The following CNTNAP2 variants were observed in gnomAD, a reference collection of about 807,000 sequenced individuals.
CNTNAP2 encodes contactin associated protein 2.
In CNTNAP2, 98 loss-of-function variants were observed where a neutral mutation model predicts 155.2. The observed-to-expected ratio is 0.63, with a 90% CI of 0.54 to 0.75. The LOEUF (loss-of-function observed/expected upper bound fraction) is 0.75. Among genes scored for constraint, CNTNAP2 ranks in the 30% least tolerant of loss-of-function variants. CNTNAP2 has a pLI of 0.00. For synonymous variants in CNTNAP2, 651 were observed against 631.2 expected, an observed-to-expected ratio of 1.03 and a Z score of -0.47; for missense variants, 1,727 against 1,688.1, an observed-to-expected ratio of 1.02 and a Z score of -0.40.
At chr7:147,942,072 C>T (rs574670270) in intron 14 of CNTNAP2, among the ~76,000 whole-genome samples, 15 of 152,268 alleles carry the variant, frequency 9.9e-5, no homozygotes, top group African/African-American at 3.6e-4. Flanking sequence ...TTCTCTTCAA[C>T]CTGATGCAAG....
chr7:146,354,426 T>G (rs545487581), intron 1 of CNTNAP2, among the ~76,000 whole-genome samples: 23 of 150,878 alleles, frequency 1.5e-4, no homozygotes, highest in Non-Finnish European at 2.7e-4. Context: ...TTTTTTTTTT[T>G]TTGTTTGAGA....
rs1380103261 is a variant in CNTNAP2 at position 148,420,759 on chromosome 7, G to A, written c.*5143G>A. 1 of 152,532 alleles carries A rather than the reference G, an allele frequency of 6.6e-6. No homozygotes were observed. Among genetic ancestry groups the A allele is most frequent in the Non-Finnish European group, 1.5e-5 (1 of 68,026 alleles). 9.4% of individuals were successfully genotyped at this position (152,532 alleles called of 1,614,324 possible). On this transcript the variant is annotated 3_prime_UTR_variant, in exon 24 of 24. Coordinates refer to ENST00000361727, the MANE Select transcript of CNTNAP2 (RefSeq NM_014141.6). ...TTTCAGTGAGCGTGGTGACTGCAGAGGTTAGTGCTGTGAAAAGCTGGGCTA... is the reference window on the plus strand; with the variant it reads ...TTTCAGTGAGCGTGGTGACTGCAGAAGTTAGTGCTGTGAAAAGCTGGGCTA...
chr7:148,304,497 T>C (rs1343459839), intron 21 of CNTNAP2, among the ~76,000 whole-genome samples: 1 of 152,236 alleles, frequency 6.6e-6, no homozygotes, highest in Admixed American at 6.5e-5. Context: ...GTCAGCAGAC[T>C]TTTCCTGTAA....
intron 12 of CNTNAP2, among the ~76,000 whole-genome samples, chr7:147,585,584 G>T (rs1361740341): frequency 6.7e-6 from 1 of 150,112 alleles, no homozygotes; most frequent in African/African-American, 2.4e-5. Context: ...TATTAATGTG[G>T]AATCACAACT....
chr7:147,349,730 C>CA (rs1255587664), intron 9 of CNTNAP2, among the ~76,000 whole-genome samples: 1 of 151,898 alleles, frequency 6.6e-6, no homozygotes, highest in East Asian at 1.9e-4. Flanking sequence ...GGTTTTAAAA[C>CA]TATCTGTGAA....
intron 2 of CNTNAP2, among the ~76,000 whole-genome samples, chr7:146,826,855 TATAGAGAG>T (rs1803412569): frequency 7.1e-6 from 1 of 140,062 alleles, no homozygotes; most frequent in East Asian, 2.1e-4. Flanking sequence ...TATATATATA[TATAGAGAG>T]AGAGAGAGAG....
chr7:148,349,587 G>A (rs976378609), intron 21 of CNTNAP2, among the ~76,000 whole-genome samples: 5 of 151,922 alleles, frequency 3.3e-5, no homozygotes, highest in Non-Finnish European at 7.4e-5. Context: ...ATTTTTAGTA[G>A]AGATGGGGTT....
chr7:148,140,908 T>G (rs1805052379), intron 16 of CNTNAP2, among the ~76,000 whole-genome samples: 1 of 152,216 alleles, frequency 6.6e-6, no homozygotes, highest in Non-Finnish European at 1.5e-5. Flanking sequence ...AAGGCTAAAT[T>G]CTCTATTACA....
intron 13 of CNTNAP2, among the ~76,000 whole-genome samples, chr7:147,834,164 T>C (rs1455940354): frequency 6.6e-6 from 1 of 152,222 alleles, no homozygotes; most frequent in Non-Finnish European, 1.5e-5. Context: ...ACACCCTTTT[T>C]CTTGTAGTGC....
intron 1 of CNTNAP2, among the ~76,000 whole-genome samples, chr7:146,354,161 T>C (rs1402936527): frequency 7.9e-5 from 12 of 152,188 alleles, no homozygotes; most frequent in Admixed American, 6.5e-4. Flanking sequence ...AAATCTATTC[T>C]TGTTCATTTT....
In CNTNAP2 at chr7:148,117,110, C is replaced by T. The variant is rs1804490347; in HGVS notation, c.2384-1008C>T. Among the ~76,000 whole-genome samples the T allele has an allele frequency of 2.6e-5, 4 of 152,302 alleles. No homozygotes were observed. In the South Asian group the frequency reaches 8.3e-4, roughly 32 times the overall value. Reference sequence around the variant, plus strand: ...CTGTCCTAATGGAGTCTGAGTAACGCAGTTTGGTGTTTTTATTGCATCCTG... The same window carrying T: ...CTGTCCTAATGGAGTCTGAGTAACGTAGTTTGGTGTTTTTATTGCATCCTG... On this transcript the variant is annotated intron_variant, in intron 15 of 23. Coordinates refer to ENST00000361727, the MANE Select transcript of CNTNAP2 (RefSeq NM_014141.6).
chr7:147,678,012 G>A (rs530274106), intron 13 of CNTNAP2, among the ~76,000 whole-genome samples: 7 of 151,556 alleles, frequency 4.6e-5, no homozygotes, highest in South Asian at 2.1e-4. Context: ...CCTCATCATC[G>A]TTTAGGGTAT....
chr7:146,532,159 A>G (rs376037137), intron 1 of CNTNAP2, among the ~76,000 whole-genome samples: 6 of 152,194 alleles, frequency 3.9e-5, no homozygotes, highest in African/African-American at 1.4e-4. Flanking sequence ...AATAAATTAT[A>G]CTTTGATTCC....
At chr7:148,254,667 T>C (rs1359718965) in intron 20 of CNTNAP2, among the ~76,000 whole-genome samples, 1 of 151,192 alleles carries the variant, frequency 6.6e-6, no homozygotes, top group East Asian at 1.9e-4. Flanking sequence ...TCCCAGCTAC[T>C]CAGGAGGCTG....
chr7:147,564,346 G>C (rs938470614), intron 12 of CNTNAP2, among the ~76,000 whole-genome samples: 11 of 152,088 alleles, frequency 7.2e-5, no homozygotes, highest in African/African-American at 2.7e-4. Flanking sequence ...ATTAATCTAA[G>C]AGTTCACTGA....
chr7:147,941,547 C>T (rs1213123535), intron 14 of CNTNAP2, among the ~76,000 whole-genome samples: 2 of 152,178 alleles, frequency 1.3e-5, no homozygotes, highest in Admixed American at 6.5e-5. Context: ...GAAAATAGCT[C>T]TGTGTCTTTA....
chr7:147,126,823 A>G (rs569083496), intron 6 of CNTNAP2, among the ~76,000 whole-genome samples: 1 of 152,306 alleles, frequency 6.6e-6, no homozygotes, highest in African/African-American at 2.4e-5. Flanking sequence ...CTAATATCCT[A>G]TAATTAGTTA....
intron 13 of CNTNAP2, among the ~76,000 whole-genome samples, chr7:147,805,027 G>A (rs2116597575): frequency 6.6e-6 from 1 of 152,108 alleles, no homozygotes; most frequent in Non-Finnish European, 1.5e-5. Flanking sequence ...TCTTGTTTCT[G>A]CTTTCCAACA....
chr7:147,623,990 G>A (rs1261412617), intron 12 of CNTNAP2, among the ~76,000 whole-genome samples: 2 of 152,002 alleles, frequency 1.3e-5, no homozygotes, highest in Non-Finnish European at 2.9e-5. Flanking sequence ...TTTGACAAAG[G>A]TGCCAAGAAC....
Sources: gnomAD v4.1 joint callset for allele counts (sites outside exome capture counted in the v4.1 genomes callset) on GRCh38, gnomAD v4.1.1 for gene constraint, MANE v1.5 for transcripts, NCBI Gene and HGNC (gene_info 2026-07-23, HGNC 2026-07-21) for gene names.